Variants in FN1 observed in about 807,000 individuals in gnomAD.
FN1 encodes fibronectin.
Under a neutral mutation model 297.3 loss-of-function variants are expected in FN1, and 106 were observed. The observed-to-expected ratio is 0.36, with a 90% CI of 0.30 to 0.42. The LOEUF (loss-of-function observed/expected upper bound fraction) is 0.42, where lower values mean the gene tolerates loss of function less well. FN1 is among the 10% of genes least tolerant of loss of function. The pLI, the probability that FN1 is intolerant of heterozygous loss-of-function variation, is 1.00. For synonymous variants in FN1, 1,149 were observed against 1,152.6 expected (o/e 1.00, Z 0.06); for missense variants, 2,690 against 3,124.9 (o/e 0.86, Z 3.32).
chr2:215,375,310 T>G lies in FN1; in HGVS notation c.6061A>C (p.Ile2021Leu). 1 of 1,614,116 alleles carries G rather than the reference T, an allele frequency of 6.2e-7. No homozygotes were observed. Among genetic ancestry groups the G allele is most frequent in the Non-Finnish European group, 8.5e-7 (1 of 1,180,008 alleles). ...LVSWQPPRAR[I>L]TGYIIKYEKP... ...TCATACTTGATGATGTAGCCGGTAA[T>G]CCTGGCACGTGGCGGCTGCCATGAT... The change falls in exon 38 of 46, where the codon ATT (isoleucine) becomes CTT (leucine). Residue 2021 changes from isoleucine to leucine, a missense_variant. Physicochemically the swap from Ile to Leu is conservative, Grantham distance 5 (BLOSUM62 2). Coordinates refer to ENST00000354785, the MANE Select transcript of FN1 (RefSeq NM_212482.4).
At chr2:215,378,414 A>G (rs531043043) in intron 34 of FN1, 152 bp from the exon 35 acceptor site, 6 of 689,906 alleles carry the variant, frequency 8.7e-6, no homozygotes, top group Admixed American at 2.1e-5. Context: ...GATTAATTTC[A>G]TTCCTACAGT....
Position 215,372,095 on chromosome 2 carries a change from T to C in FN1, c.6528A>G (p.Gln2176=). 6.2e-7 allele frequency: 1 copy of C among 1,614,186 alleles called. No homozygotes were observed. The highest frequency in any genetic ancestry group is 1.3e-5 in the African/African-American group (1 of 75,050). ...PYPPNVGEEI[Q]IGHIPREDVD... is the part of the protein sequence containing the mutation. ...CATCTTCCCTGGGGATGTGACCAAT[T>C]TGGATTTCCTCACCTACATTCGGCG... The change falls in exon 40 of 46, where the codon CAA becomes CAG. Residue 2176 remains glutamine, a synonymous_variant. Coordinates refer to ENST00000354785, the MANE Select transcript of FN1 (RefSeq NM_212482.4).
At chr2:215,409,429 G>A in intron 15 of FN1, 134 bp downstream of exon 15, 1 of 832,788 alleles carries the variant, frequency 1.2e-6, no homozygotes, top group South Asian at 1.4e-5. Context: ...TCATGCCAGA[G>A]GGTGGTTTGT....
chr2:215,436,030 T>G lies in FN1; in HGVS notation c.-228A>C. On this transcript the variant is annotated 5_prime_UTR_variant, in exon 1 of 46. Transcript: ENST00000354785. ...CCCCTCTTCCCGCTCGCGCCTGGGG[T>G]TCCCTCTCCTCCCCCTGTGCAGCAC... The G allele has an allele frequency of 5.6e-6, 5 of 890,114 alleles. No individual in the cohort carries two copies. The highest frequency in any genetic ancestry group is 1.7e-5 in the African/African-American group (1 of 59,206). The allele number at this position is 890,114 out of a possible 1,614,324, so 55.1% of individuals were successfully genotyped here. A position where few individuals can be genotyped will look rare whatever the true frequency, so the allele number is the denominator to read the frequency against.
intron 30 of FN1, 41 bp from the exon 31 acceptor site, chr2:215,383,524 CTTGGAGACAAGA>C: frequency 6.2e-7 from 1 of 1,609,882 alleles, no homozygotes; most frequent in Non-Finnish European, 8.5e-7. Context: ...AGCCCCAGTC[CTTGGAGACAAGA>C]TTGGACAAGT....
chr2:215,430,913 C>G, intron 4 of FN1, 61 bp from the exon 5 acceptor site: 1 of 1,585,042 alleles, frequency 6.3e-7, no homozygotes, highest in Non-Finnish European at 8.6e-7. Context: ...TGCAAGCTCC[C>G]TGTAATTTAA....
At chr2:215,394,295 C>G (rs1194762042) in intron 24 of FN1, among the ~76,000 whole-genome samples, 1 of 152,236 alleles carries the variant, frequency 6.6e-6, no homozygotes, top group Non-Finnish European at 1.5e-5. Context: ...CACTCCATTA[C>G]ATACTCGCTG....
At chr2:215,386,076 C>CTTT (rs571159227) in intron 28 of FN1, among the ~76,000 whole-genome samples, 11 of 109,422 alleles carry the variant, frequency 1.0e-4, no homozygotes, top group Non-Finnish European at 1.4e-4. Context: ...GCGCCTGGCC[C>CTTT]TTTTTTTTTT....
At chr2:215,377,207 T>C (rs968256496) in intron 35 of FN1, among the ~76,000 whole-genome samples, 7 of 152,126 alleles carry the variant, frequency 4.6e-5, no homozygotes, top group African/African-American at 1.7e-4. Context: ...ACCTGACTTT[T>C]GAAAAGGCAT....
Position 215,424,243 on chromosome 2 carries a change from G to C in FN1, c.1119C>G (p.Ser373=). ...PFTYNGRTFY[S]CTTEGRQDGH... is the part of the protein sequence containing the mutation. The stretch of plus-strand genomic sequence containing the variant: ...CGTCCTGTCGCCCTTCTGTGGTGCA[G>C]GAGTAGAACGTCCTGCCATTGTAGG... The change falls in exon 8 of 46, where the codon TCC becomes TCG. Residue 373 remains serine, a synonymous_variant. Coordinates refer to ENST00000354785, the MANE Select transcript of FN1 (RefSeq NM_212482.4). 4 of 1,614,164 alleles carry C rather than the reference G, an allele frequency of 2.5e-6. No individual in the cohort carries two copies. Among genetic ancestry groups the C allele is most frequent in the Non-Finnish European group, 3.4e-6 (4 of 1,180,006 alleles).
chr2:215,381,201 T>A, intron 32 of FN1, 121 bp from the exon 33 acceptor site: 1 of 950,334 alleles, frequency 1.1e-6, no homozygotes, highest in Admixed American at 1.8e-5. Context: ...ATTAACCCAC[T>A]ATCAAAAGGA....
At chr2:215,390,685 C>G (rs1022422914) in intron 26 of FN1, among the ~76,000 whole-genome samples, 2 of 74,352 alleles carry the variant, frequency 2.7e-5, no homozygotes, top group Non-Finnish European at 4.3e-5. Flanking sequence ...CCAGGGTGCT[C>G]TAGAACAGAA....
chr2:215,396,907 T>TCC lies in FN1; in HGVS notation c.3604+228_3604+229dup, dbSNP rs2060364597. ...TACAGCTGTGTGAGGATCTGTCTTG[T>TCC]CCCCCTAGACTAGTGTAAGGTTGTT... On this transcript the variant is annotated intron_variant, in intron 23 of 45. Transcript: ENST00000354785. Among the ~76,000 whole-genome samples, 3 of 152,294 alleles carry TCC rather than the reference T, an allele frequency of 2.0e-5. No individual in the cohort carries two copies. In the South Asian group the frequency reaches 6.2e-4, roughly 32 times the overall value.
In FN1 at chr2:215,434,763, T is replaced by C; in HGVS notation, c.210A>G (p.Leu70=). 6.2e-7 allele frequency: 1 copy of C among 1,614,078 alleles called. No individual in the cohort carries two copies. Among genetic ancestry groups the C allele is most frequent in the Non-Finnish European group, 8.5e-7 (1 of 1,179,932 alleles). ...QINQQWERTY[L]GNALVCTCYG... ...AACAAGTACAAACCAACGCATTGCC[T>C]AGGTAGGTCCGCTCCCACTGTTGAT... Residue 70 remains leucine, a synonymous_variant, in exon 2 of 46, where the codon CTA becomes CTG. Transcript: ENST00000354785.
chr2:215,421,571 AT>A (rs1420105425), intron 10 of FN1, among the ~76,000 whole-genome samples: 1 of 152,252 alleles, frequency 6.6e-6, no homozygotes, highest in Non-Finnish European at 1.5e-5. Flanking sequence ...TACTTTTCAT[AT>A]CAAAGAAATG....
chr2:215,367,825 G>A, intron 42 of FN1, 38 bp downstream of exon 42: 1 of 1,609,078 alleles, frequency 6.2e-7, no homozygotes, highest in Non-Finnish European at 8.5e-7. Context: ...AACTTGAGGA[G>A]ACAAACACGG....
At chr2:215,434,525 A>G (rs564621209) in intron 2 of FN1, among the ~76,000 whole-genome samples, 171 bp downstream of exon 2, 494 of 152,338 alleles carry the variant, frequency 3.2e-3, no homozygotes, top group Non-Finnish European at 6.1e-3. Context: ...TCTTTGTTTT[A>G]AAGGTAAAAG....
At chr2:215,373,601 CA>C (rs1559352693) in intron 38 of FN1, among the ~76,000 whole-genome samples, 190 bp from the exon 39 acceptor site, 1 of 151,940 alleles carries the variant, frequency 6.6e-6, no homozygotes, top group Admixed American at 6.6e-5. Flanking sequence ...GTCCGCATCG[CA>C]AACTAATTAT....
chr2:215,408,930 C>A (rs1174858613), intron 15 of FN1, among the ~76,000 whole-genome samples: 1 of 152,164 alleles, frequency 6.6e-6, no homozygotes, highest in Non-Finnish European at 1.5e-5. Flanking sequence ...CCTTTCTCCT[C>A]CTCCTCCTTC....
Sources: allele counts gnomAD v4.1 joint callset (sites outside exome capture counted in the v4.1 genomes callset), GRCh38; gene constraint gnomAD v4.1.1; transcripts MANE v1.5; gene names NCBI Gene and HGNC (gene_info 2026-07-23, HGNC 2026-07-21).